PACS1: variants seen among roughly 807,000 people sequenced by gnomAD.
The protein encoded by PACS1 is PACS-1.
Under a neutral mutation model 115.0 loss-of-function variants are expected in PACS1, and 24 were observed. The ratio of observed to expected loss-of-function variants is 0.21; its 90% CI spans 0.15 to 0.29. The LOEUF (loss-of-function observed/expected upper bound fraction) is 0.29. Among genes scored for constraint, PACS1 ranks in the 10% least tolerant of loss-of-function variants. The pLI is 1.00. For synonymous variants in PACS1, 453 were observed against 504.5 expected, an observed-to-expected ratio of 0.90 and a Z score of 1.37; for missense variants, 838 against 1,251.2, an observed-to-expected ratio of 0.67 and a Z score of 4.98.
At chr11:66,209,934 A>G (rs1398797262) in intron 2 of PACS1, among the ~76,000 whole-genome samples, 1 of 151,474 alleles carries the variant, frequency 6.6e-6, no homozygotes, top group Admixed American at 6.6e-5. Context: ...TTTTTTTTTT[A>G]AAGAATGCTT....
intron 1 of PACS1, among the ~76,000 whole-genome samples, chr11:66,172,804 C>T (rs1053543406): frequency 3.9e-5 from 6 of 151,918 alleles, no homozygotes; most frequent in Admixed American, 3.3e-4. Flanking sequence ...GGTGAAACCC[C>T]GTCTCTACTA....
intron 10 of PACS1, 173 bp downstream of exon 10, chr11:66,221,420 G>A (rs1855344601): frequency 1.6e-6 from 1 of 620,726 alleles, no homozygotes; most frequent in Admixed American, 2.5e-5. Flanking sequence ...GGTGGAGTCG[G>A]GCAGATCATG....
Position 66,242,890 on chromosome 11 carries a change from GGT to G in PACS1, c.2657-20_2657-19del. On this transcript the variant is annotated intron_variant, in intron 22 of 23. Coordinates refer to ENST00000320580, the MANE Select transcript of PACS1 (RefSeq NM_018026.4). ...CGGCTTCCCCAGGGGCTGGGACACAGGTGGCCTTGCTTGCTTTCCAGTTCCCA... is the reference window on the plus strand; with the variant it reads ...CGGCTTCCCCAGGGGCTGGGACACAGGGCCTTGCTTGCTTTCCAGTTCCCA... The G allele has an allele frequency of 6.2e-7, 1 of 1,613,858 alleles. No individual in the cohort carries two copies. Among genetic ancestry groups the G allele is most frequent in the Non-Finnish European group, 8.5e-7 (1 of 1,179,888 alleles).
intron 4 of PACS1, among the ~76,000 whole-genome samples, chr11:66,211,682 A>G (rs963065103): frequency 1.3e-5 from 2 of 152,160 alleles, no homozygotes; most frequent in Non-Finnish European, 2.9e-5. Flanking sequence ...TTAATACTGC[A>G]CCACGTTAAT....
At chr11:66,121,664 A>G (rs925294486) in intron 1 of PACS1, among the ~76,000 whole-genome samples, 3 of 152,212 alleles carry the variant, frequency 2.0e-5, no homozygotes, top group Non-Finnish European at 4.4e-5. Context: ...TGATGTGGAG[A>G]AAGTTTCAGT....
intron 14 of PACS1, among the ~76,000 whole-genome samples, chr11:66,232,706 G>T (rs1185897481): frequency 2.0e-5 from 3 of 151,918 alleles, no homozygotes; most frequent in Non-Finnish European, 4.4e-5. Context: ...CACTGGTGCC[G>T]GGGACACCTG....
chr11:66,101,113 T>A (rs910033318), intron 1 of PACS1, among the ~76,000 whole-genome samples: 2 of 152,252 alleles, frequency 1.3e-5, no homozygotes, highest in Non-Finnish European at 2.9e-5. Context: ...GCACAGAATT[T>A]AAAAATATAC....
intron 4 of PACS1, among the ~76,000 whole-genome samples, chr11:66,213,015 A>G (rs952306601): frequency 2.6e-5 from 4 of 151,956 alleles, no homozygotes; most frequent in Non-Finnish European, 5.9e-5. Flanking sequence ...ATGCCCGGCT[A>G]ATTTTTTTTA....
intron 6 of PACS1, 33 bp from the exon 7 acceptor site, chr11:66,216,662 T>C (rs1382165983): frequency 6.2e-7 from 1 of 1,611,500 alleles, no homozygotes; most frequent in Admixed American, 1.7e-5. Flanking sequence ...TCCTGGGGTT[T>C]CCCACCCTCA....
intron 1 of PACS1, among the ~76,000 whole-genome samples, chr11:66,071,403 C>G (rs953930241): frequency 1.3e-5 from 2 of 152,052 alleles, no homozygotes; most frequent in Non-Finnish European, 2.9e-5. Flanking sequence ...TTAATGTGTC[C>G]TCAAGTGTAT....
chr11:66,231,469 C>G (rs994719793), intron 13 of PACS1, among the ~76,000 whole-genome samples: 4 of 152,196 alleles, frequency 2.6e-5, no homozygotes, highest in African/African-American at 9.7e-5. Flanking sequence ...ATCGTGTTCT[C>G]CTTTTGAAGG....
chr11:66,149,756 A>G (rs1859196623), intron 1 of PACS1, among the ~76,000 whole-genome samples: 1 of 151,364 alleles, frequency 6.6e-6, no homozygotes, highest in African/African-American at 2.4e-5. Flanking sequence ...GGCAAAACTG[A>G]TCTTTTTTTT....
chr11:66,189,862 A>C (rs948315524), intron 1 of PACS1, among the ~76,000 whole-genome samples: 11 of 152,332 alleles, frequency 7.2e-5, no homozygotes, highest in African/African-American at 2.6e-4. Flanking sequence ...GTCATACCCA[A>C]CCAAAACAGA....
intron 21 of PACS1, among the ~76,000 whole-genome samples, chr11:66,240,743 C>T (rs1262604485): frequency 7.0e-6 from 1 of 143,056 alleles, no homozygotes; most frequent in Non-Finnish European, 1.5e-5. Context: ...AGCCTTGGCA[C>T]CAACCCTTTC....
chr11:66,105,703 G>T (rs1398421089), intron 1 of PACS1, among the ~76,000 whole-genome samples: 3 of 152,160 alleles, frequency 2.0e-5, no homozygotes, highest in African/African-American at 7.2e-5. Flanking sequence ...TACAGAAATA[G>T]AATCTTTAAT....
intron 1 of PACS1, among the ~76,000 whole-genome samples, chr11:66,106,778 T>A (rs1590748494): frequency 6.6e-6 from 1 of 151,944 alleles, no homozygotes; most frequent in East Asian, 1.9e-4. Context: ...AAAAAAAAGA[T>A]AAATCTTGTC....
intron 1 of PACS1, among the ~76,000 whole-genome samples, chr11:66,093,009 G>A (rs978504395): frequency 1.6e-4 from 24 of 151,980 alleles, no homozygotes; most frequent in African/African-American, 5.8e-4. Flanking sequence ...GCCCTTTTTT[G>A]GTTCCATATG....
chr11:66,173,105 T>C (rs963041760), intron 1 of PACS1, among the ~76,000 whole-genome samples: 11 of 148,884 alleles, frequency 7.4e-5, no homozygotes, highest in Non-Finnish European at 1.6e-4. Context: ...TTTTTTTTTG[T>C]TTTTTTTTGT....
rs772281365 is a variant in PACS1 at position 66,221,275 on chromosome 11, G to T, written c.1293+28G>T. 6.3e-7 allele frequency: 1 copy of T among 1,595,462 alleles called. No homozygotes were observed. Among genetic ancestry groups the T allele is most frequent in the South Asian group, 1.1e-5 (1 of 90,700 alleles). On this transcript the variant is annotated intron_variant, in intron 10 of 23. Coordinates refer to ENST00000320580, the MANE Select transcript of PACS1 (RefSeq NM_018026.4). ...GAGCGCAACCGCGACTGCGGGGCGG[G>T]GTGGGACCGTGGCATGTCAGGGCTC...
Sources: allele counts gnomAD v4.1 joint callset (sites outside exome capture counted in the v4.1 genomes callset), GRCh38; gene constraint gnomAD v4.1.1; transcripts MANE v1.5; gene names NCBI Gene and HGNC (gene_info 2026-07-23, HGNC 2026-07-21).